SRSF7: variants seen among roughly 807,000 people sequenced by gnomAD.
SRSF7 encodes the protein serine and arginine rich splicing factor 7.
SRSF7 carries 15 observed loss-of-function variants against 42.2 expected under a neutral mutation model. The ratio of observed to expected loss-of-function variants is 0.36; its 90% CI spans 0.24 to 0.55. SRSF7 has a LOEUF of 0.55. Among genes scored for constraint, SRSF7 ranks in the 20% least tolerant of loss-of-function variants. SRSF7 has a pLI of 0.88. For missense variants in SRSF7, 181 were observed against 305.9 expected (o/e 0.59, Z 3.04); for synonymous variants, 138 against 107.9 (o/e 1.28, Z -1.73).
At chr2:38,748,964 C>T in intron 3 of SRSF7, 1 of 1,309,976 alleles carries the variant, frequency 7.6e-7, no homozygotes, top group Non-Finnish European at 9.9e-7. Flanking sequence ...CTAGAAGTAT[C>T]TATAGCCGAT....
intron 4 of SRSF7, 117 bp downstream of exon 4, chr2:38,748,462 C>T (rs1667808408): frequency 2.9e-6 from 3 of 1,048,260 alleles, no homozygotes; most frequent in East Asian, 4.8e-5. Context: ...CCCTGTACTC[C>T]AGCCCGGGTG....
At position 38,746,927 on chromosome 2, in the gene SRSF7, C is replaced by CAT. The variant is rs554773001; in HGVS notation, c.573-182_573-181dup. 85 of 1,008,966 alleles carry CAT rather than the reference C, an allele frequency of 8.4e-5. No individual in the cohort carries two copies. The African/African-American group carries it at 1.2e-3, about 14-fold the overall frequency. The allele number at this position is 1,008,966 out of a possible 1,614,324, so 62.5% of individuals were successfully genotyped here. On this transcript the variant is annotated intron_variant, in intron 5 of 7. Coordinates refer to ENST00000313117, the MANE Select transcript of SRSF7 (RefSeq NM_001031684.3). ...AGTGTTACCAGACATAAGGAACCCC[C>CAT]ATTTCAATTACTTGTTTCTATCACT...
Position 38,750,099 on chromosome 2 carries a change from T to C in SRSF7, c.124A>G (p.Ile42Val). ...GCAAATCCTGGAGGATTTCTCGCAA[T>C]CCATACAGTTCTTAAAGGACCATAA... ...SYYGPLRTVW[I>V]ARNPPGFAFV... The change falls in exon 2 of 8, where the codon ATT becomes GTT. Residue 42 changes from isoleucine to valine, a missense_variant. Around this residue, in one of 2 missense-constraint regions of SRSF7, gnomAD observed 45 missense variants for 158.1 expected, o/e 0.28. Coordinates refer to ENST00000313117, the MANE Select transcript of SRSF7 (RefSeq NM_001031684.3). 6.2e-7 allele frequency: 1 copy of C among 1,614,070 alleles called. No individual in the cohort carries two copies. Among genetic ancestry groups the C allele is most frequent in the Non-Finnish European group, 8.5e-7 (1 of 1,179,994 alleles).
chr2:38,749,113 G>C, intron 3 of SRSF7: 1 of 1,316,216 alleles, frequency 7.6e-7, no homozygotes, highest in Non-Finnish European at 1.0e-6. Flanking sequence ...TAAACCGGAG[G>C]GGGGCCCCAA....
At chr2:38,749,908 G>T in intron 2 of SRSF7, 106 bp downstream of exon 2, 2 of 1,330,194 alleles carry the variant, frequency 1.5e-6, no homozygotes, top group Non-Finnish European at 2.0e-6. Context: ...ACTATGACCA[G>T]CTATTTAAGG....
chr2:38,751,261 A>C lies in SRSF7; in HGVS notation c.-5T>G. The C allele has an allele frequency of 6.2e-7, 1 of 1,614,154 alleles. No homozygotes were observed. The highest frequency in any genetic ancestry group is 2.2e-5 in the East Asian group (1 of 44,882). On this transcript the variant is annotated 5_prime_UTR_variant, in exon 1 of 8. Transcript: ENST00000313117. ...GTACCGCCCGTAACGCGACATGATG[A>C]CAGACCCGCGTGCTCGGCTCTTTAG... is the stretch of plus-strand genomic sequence containing the variant.
intron 7 of SRSF7, among the ~76,000 whole-genome samples, chr2:38,745,803 C>T (rs757630896): frequency 5.5e-4 from 84 of 152,086 alleles, no homozygotes; most frequent in Non-Finnish European, 9.7e-4. Context: ...CATAAAGAAG[C>T]ACTAGGCAGG....
Position 38,748,028 on chromosome 2 carries a change from GAA to G in SRSF7, c.572+17_572+18del, listed in dbSNP as rs757348862. 10 of 1,578,090 alleles carry G rather than the reference GAA, an allele frequency of 6.3e-6. No individual in the cohort carries two copies. In the East Asian group the frequency reaches 6.7e-5, roughly 11 times the overall value. On this transcript the variant is annotated intron_variant, in intron 5 of 7. Coordinates refer to ENST00000313117, the MANE Select transcript of SRSF7 (RefSeq NM_001031684.3). Reference sequence around the variant, plus strand: ...TGTGAACAATCCAAACACAAGTAAGGAAAAAAAGTGTTACATACTGGAAATAC... The same window carrying G: ...TGTGAACAATCCAAACACAAGTAAGGAAAAAGTGTTACATACTGGAAATAC...
chr2:38,746,551 GA>G (rs1667445450), intron 6 of SRSF7, 142 bp downstream of exon 6: 4 of 1,219,670 alleles, frequency 3.3e-6, no homozygotes, highest in South Asian at 1.5e-5. Flanking sequence ...TAATAAATAG[GA>G]CATACACAAA....
chr2:38,750,346 G>A, intron 1 of SRSF7, 152 bp from the exon 2 acceptor site: 1 of 623,294 alleles, frequency 1.6e-6, no homozygotes, highest in Non-Finnish European at 2.7e-6. Context: ...TAAAACTGGT[G>A]AAAGTCCGCA....
At chr2:38,746,820 A>G (rs1363387426) in intron 5 of SRSF7, 73 bp from the exon 6 acceptor site, 3 of 1,592,512 alleles carry the variant, frequency 1.9e-6, no homozygotes, top group African/African-American at 2.7e-5. Flanking sequence ...TCAACACTGT[A>G]TTAGGTTGGT....
At position 38,751,315 on chromosome 2, in the gene SRSF7, A is replaced by G; in HGVS notation, c.-59T>C. ...GCAGCGCCCAGGGCTCGAGTGACGC[A>G]AAAGCTGACACACACCTTCACCCGC... On this transcript the variant is annotated 5_prime_UTR_variant, in exon 1 of 8. Transcript: ENST00000313117. 6.2e-7 allele frequency: 1 copy of G among 1,612,014 alleles called. No individual in the cohort carries two copies. Among genetic ancestry groups the G allele is most frequent in the Non-Finnish European group, 8.5e-7 (1 of 1,178,666 alleles).
In SRSF7 at chr2:38,751,311, A is replaced by T; in HGVS notation, c.-55T>A. The T allele has an allele frequency of 1.9e-6, 3 of 1,613,164 alleles. No homozygotes were observed. The highest frequency in any genetic ancestry group is 2.5e-6 in the Non-Finnish European group (3 of 1,179,502). On this transcript the variant is annotated 5_prime_UTR_variant, in exon 1 of 8. Transcript: ENST00000313117. ...GCAAGCAGCGCCCAGGGCTCGAGTG[A>T]CGCAAAAGCTGACACACACCTTCAC...
intron 3 of SRSF7, chr2:38,749,146 C>T: frequency 7.6e-6 from 10 of 1,318,180 alleles, no homozygotes; most frequent in African/African-American, 1.5e-5. Flanking sequence ...TTTACTGTTA[C>T]GGCGATCACC....
chr2:38,745,131 C>T lies in SRSF7; in HGVS notation c.*2G>A. On this transcript the variant is annotated 3_prime_UTR_variant, in exon 8 of 8. Coordinates refer to ENST00000313117, the MANE Select transcript of SRSF7 (RefSeq NM_001031684.3). Reference sequence around the variant, plus strand: ...TTTCCCTAAAGGGTGAACTTGAGAGCTTCAGTCCATTCTTTCAGGACTTGC... The same window carrying T: ...TTTCCCTAAAGGGTGAACTTGAGAGTTTCAGTCCATTCTTTCAGGACTTGC... 2 of 1,614,102 alleles carry T rather than the reference C, an allele frequency of 1.2e-6. No homozygotes were observed. Among genetic ancestry groups the T allele is most frequent in the Admixed American group, 1.7e-5 (1 of 60,004 alleles).
chr2:38,746,660 T>TAA, intron 6 of SRSF7, 34 bp downstream of exon 6: 1 of 1,610,662 alleles, frequency 6.2e-7, no homozygotes, highest in South Asian at 1.1e-5. Flanking sequence ...TGGTGCCATA[T>TAA]AACTAGAAAA....
chr2:38,749,454 C>G (rs1667955056), intron 3 of SRSF7, 75 bp downstream of exon 3: 2 of 1,548,772 alleles, frequency 1.3e-6, no homozygotes, highest in African/African-American at 2.8e-5. Flanking sequence ...TAGAAAAACA[C>G]TAGTTTCTGC....
chr2:38,744,970 C>A lies in SRSF7; in HGVS notation c.*163G>T. 1.8e-5 allele frequency: 12 copies of A among 652,224 alleles called. No individual in the cohort carries two copies. The highest frequency in any genetic ancestry group is 3.2e-5 in the Admixed American group (1 of 31,174). 40.4% of individuals were successfully genotyped at this position (652,224 alleles called of 1,614,324 possible). A position where few individuals can be genotyped will look rare whatever the true frequency, so the allele number is the denominator to read the frequency against. On this transcript the variant is annotated 3_prime_UTR_variant, in exon 8 of 8. Transcript: ENST00000313117. ...GACCATATGATGTTAATACATTCAA[C>A]AAAATTTATATTATCTTACTGCTGT...
At position 38,749,662 on chromosome 2, in the gene SRSF7, T is replaced by C; in HGVS notation, c.253A>G (p.Met85Val). The C allele has an allele frequency of 1.3e-6, 2 of 1,587,540 alleles. No homozygotes were observed. The highest frequency in any genetic ancestry group is 1.7e-6 in the Non-Finnish European group (2 of 1,172,494). Reference sequence around the variant, plus strand: ...CTATCAAAACGTGATCTCCGAGGCATGCCTGTCGATAGTTCAACCCTCACT... The same window carrying C: ...CTATCAAAACGTGATCTCCGAGGCACGCCTGTCGATAGTTCAACCCTCACT... The part of the protein sequence containing the change: ...SRVRVELSTG[M>V]PRRSRFDRPP... The change falls in exon 3 of 8, where the codon ATG becomes GTG. Residue 85 changes from methionine (M) to valine (V), a missense_variant. By Grantham distance (21) the Met-to-Val change is conservative. Transcript: ENST00000313117.
Sources: allele counts gnomAD v4.1 joint callset (sites outside exome capture counted in the v4.1 genomes callset), GRCh38; gene constraint gnomAD v4.1.1; regional missense constraint gnomAD v4.1.1; transcripts MANE v1.5; gene names NCBI Gene and HGNC (gene_info 2026-07-23, HGNC 2026-07-21).